CXCR5: variants seen among roughly 807,000 people sequenced by gnomAD.
CXCR5 encodes the protein C-X-C motif chemokine receptor 5, also known as C-X-C chemokine receptor type 5.
CXCR5 carries 3 observed loss-of-function variants against 5.6 expected under a neutral mutation model. That is an observed-to-expected ratio of 0.54 (90% confidence interval 0.24 to 1.39). The LOEUF (loss-of-function observed/expected upper bound fraction) is 1.39, where lower values mean the gene tolerates loss of function less well. Among genes scored for constraint, CXCR5 ranks in the 40% most tolerant of loss-of-function variants. The pLI is 0.16. For synonymous variants in CXCR5, 218 were observed against 219.9 expected (o/e 0.99, Z 0.08); for missense variants, 333 against 494.6 (o/e 0.67, Z 3.10).
At position 118,883,988 on chromosome 11, in the gene CXCR5, A is replaced by G; in HGVS notation, c.47A>G (p.Asp16Gly). ...TLEMDLENLE[D>G]LFWELDRLDN... is the part of the protein sequence containing the mutation. ...GAAATGGACCTCGAGAACCTGGAGG[A>G]CCTGGTGAGTAGACACGGGTAGCTT... The change falls in exon 1 of 2, where the codon GAC becomes GGC. Residue 16 changes from aspartate (D) to glycine (G), a missense_variant. Transcript: ENST00000292174. The G allele has an allele frequency of 6.2e-7, 1 of 1,612,718 alleles. No homozygotes were observed. Among genetic ancestry groups the G allele is most frequent in the Non-Finnish European group, 8.5e-7 (1 of 1,179,246 alleles).
intron 1 of CXCR5, chr11:118,886,083 C>A: frequency 3.1e-6 from 1 of 320,744 alleles, no homozygotes; most frequent in Non-Finnish European, 6.0e-6. Context: ...TGTCACAGTA[C>A]AAAAACCTCG....
chr11:118,889,990 G>T (rs1157657680), intron 1 of CXCR5, among the ~76,000 whole-genome samples: 6 of 152,210 alleles, frequency 3.9e-5, no homozygotes, highest in Admixed American at 3.9e-4. Flanking sequence ...AAGGTAGGTG[G>T]AGTCCAGCCC....
chr11:118,893,344 A>C lies in CXCR5; in HGVS notation c.52-252A>C. Reference sequence around the variant, plus strand: ...GCTGACTTATGGGGTCCAGCCCTCCAGCACTTACAAAGCTCAGCCACCCGC... The same window carrying C: ...GCTGACTTATGGGGTCCAGCCCTCCCGCACTTACAAAGCTCAGCCACCCGC... On this transcript the variant is annotated intron_variant, in intron 1 of 1. Transcript: ENST00000292174. The surrounding 1 kb of genome is among the most constrained non-coding windows in gnomAD (Gnocchi z 5.7). 1 of 974,596 alleles carries C rather than the reference A, an allele frequency of 1.0e-6. No homozygotes were observed. The highest frequency in any genetic ancestry group is 1.2e-6 in the Non-Finnish European group (1 of 820,126). 60.4% of individuals were successfully genotyped at this position (974,596 alleles called of 1,614,324 possible).
chr11:118,893,788 ACACGCAGTTC>A lies in CXCR5; in HGVS notation c.249_258del (p.Ser84ArgfsTer39), dbSNP rs1180393616. ...GGTGATCCTGGAGCGGCACCGGCAGACACGCAGTTCCACGGAGACCTTCCTGTTCCACCTG... is the reference window on the plus strand; with the variant it reads ...GGTGATCCTGGAGCGGCACCGGCAGACACGGAGACCTTCCTGTTCCACCTG... On this transcript the variant is annotated frameshift_variant, in exon 2 of 2. Coordinates refer to ENST00000292174, the MANE Select transcript of CXCR5 (RefSeq NM_001716.5). LOFTEE classifies it low-confidence loss of function (END_TRUNC). The surrounding 1 kb of genome is among the most constrained non-coding windows in gnomAD (Gnocchi z 5.7). 4 of 1,613,968 alleles carry A rather than the reference ACACGCAGTTC, an allele frequency of 2.5e-6. No homozygotes were observed. The highest frequency in any genetic ancestry group is 1.3e-5 in the African/African-American group (1 of 74,908).
intron 1 of CXCR5, chr11:118,887,383 T>C (rs1331800059): frequency 9.1e-6 from 9 of 985,270 alleles, no homozygotes; most frequent in Non-Finnish European, 1.1e-5. Flanking sequence ...TCTTGGACTG[T>C]GTGACTCTGT....
rs1017008492 is a variant in CXCR5 at position 118,893,958 on chromosome 11, G to C, written c.414G>C (p.Leu138=). 9 of 1,613,770 alleles carry C rather than the reference G, an allele frequency of 5.6e-6. No homozygotes were observed. The Admixed American group carries it at 1.3e-4, about 24-fold the overall frequency. ...LHKVNFYCSS[L]LLACIAVDRY... is the part of the protein sequence containing the mutation. ...AAGTCAACTTCTACTGCAGCAGCCT[G>C]CTCCTGGCCTGCATCGCCGTGGACC... Residue 138 remains leucine (L), a synonymous_variant, in exon 2 of 2, where the codon CTG becomes CTC. Coordinates refer to ENST00000292174, the MANE Select transcript of CXCR5 (RefSeq NM_001716.5). The surrounding 1 kb of genome is among the most constrained non-coding windows in gnomAD (Gnocchi z 5.7).
chr11:118,887,555 T>G, intron 1 of CXCR5: 11 of 409,496 alleles, frequency 2.7e-5, no homozygotes, highest in Non-Finnish European at 3.0e-5. Context: ...GAAAGAGGAG[T>G]CTCACAGACT....
chr11:118,889,102 C>A (rs548135482), intron 1 of CXCR5, among the ~76,000 whole-genome samples: 1 of 152,158 alleles, frequency 6.6e-6, no homozygotes, highest in Non-Finnish European at 1.5e-5. Context: ...TCCTTACACC[C>A]CCCACCTCCC....
chr11:118,886,532 A>C, intron 1 of CXCR5: 1 of 367,354 alleles, frequency 2.7e-6, no homozygotes, highest in Non-Finnish European at 5.3e-6. Context: ...CAAATAGAAC[A>C]AAAATTAGAT....
chr11:118,885,652 C>A lies in CXCR5; in HGVS notation c.51+1660C>A, dbSNP rs752648149. Among the ~76,000 whole-genome samples, 7 of 152,332 alleles carry A rather than the reference C, an allele frequency of 4.6e-5. 1 individual carries two copies. In the East Asian group the frequency reaches 1.4e-3, roughly 29 times the overall value. ...TCTTAGTAACCAACTGGAGACCCGG[C>A]GGGTCCCAGCTTCTGAGAAACCTTA... On this transcript the variant is annotated intron_variant, in intron 1 of 1. Coordinates refer to ENST00000292174, the MANE Select transcript of CXCR5 (RefSeq NM_001716.5).
chr11:118,893,524 G>C lies in CXCR5; in HGVS notation c.52-72G>C, dbSNP rs1939843942. The C allele has an allele frequency of 3.3e-6, 5 of 1,507,248 alleles. No individual in the cohort carries two copies. The South Asian group carries it at 5.5e-5, about 16-fold the overall frequency. The allele number at this position is 1,507,248 out of a possible 1,614,324, so 93.4% of individuals were successfully genotyped here. ...CCTATGTAGGAAAAAACCTCCAAGA[G>C]AGCTAGGGTTCCTCTCAGAGAGGAA... On this transcript the variant is annotated intron_variant, in intron 1 of 1. Coordinates refer to ENST00000292174, the MANE Select transcript of CXCR5 (RefSeq NM_001716.5). The surrounding 1 kb of genome is among the most constrained non-coding windows in gnomAD (Gnocchi z 5.7).
In CXCR5 at chr11:118,894,564, G is replaced by A. The variant is rs1212083259; in HGVS notation, c.1020G>A (p.Leu340=). The A allele has an allele frequency of 5.8e-6, 9 of 1,555,950 alleles. No homozygotes were observed. The Admixed American group carries it at 1.4e-4, about 25-fold the overall frequency. The change falls in exon 2 of 2, where the codon CTG becomes CTA. Residue 340 remains leucine, a synonymous_variant. Transcript: ENST00000292174. This position sits in a 1 kb window ranked among gnomAD's most constrained non-coding sequence, Gnocchi z 6.1. ...RSDLSRLLTK[L]GCTGPASLCQ... ...ACCTGTCGCGGCTCCTGACGAAGCT[G>A]GGCTGTACCGGCCCTGCCTCCCTGT...
intron 1 of CXCR5, among the ~76,000 whole-genome samples, chr11:118,892,476 T>C (rs1027013133): frequency 6.6e-6 from 1 of 151,878 alleles, no homozygotes; most frequent in Non-Finnish European, 1.5e-5. Flanking sequence ...ATTGCCATTT[T>C]GAATCCACAT....
intron 1 of CXCR5, chr11:118,887,488 T>C: frequency 2.1e-6 from 2 of 945,230 alleles, no homozygotes; most frequent in South Asian, 4.9e-5. Flanking sequence ...ACTCTCCCCC[T>C]AACACCACAT....
intron 1 of CXCR5, among the ~76,000 whole-genome samples, chr11:118,892,469 G>A (rs142796223): frequency 1.5e-4 from 23 of 148,518 alleles, no homozygotes; most frequent in Non-Finnish European, 2.2e-4. Flanking sequence ...TTATAGTATT[G>A]CCATTTTGAA....
chr11:118,891,071 T>G (rs913299629), intron 1 of CXCR5, among the ~76,000 whole-genome samples: 1 of 152,096 alleles, frequency 6.6e-6, no homozygotes, highest in African/African-American at 2.4e-5. Context: ...CAAGACACTA[T>G]CTATCAAAAA....
chr11:118,884,978 G>C (rs1485977541), intron 1 of CXCR5, among the ~76,000 whole-genome samples: 3 of 152,178 alleles, frequency 2.0e-5, no homozygotes, highest in African/African-American at 7.2e-5. Flanking sequence ...GTTAGATCAT[G>C]AAGGAGCCAA....
At chr11:118,887,490 A>C in intron 1 of CXCR5, 1 of 943,928 alleles carries the variant, frequency 1.1e-6, no homozygotes, top group Non-Finnish European at 1.3e-6. Context: ...TCTCCCCCTA[A>C]CACCACATCC....
chr11:118,887,076 A>G (rs1032359344), intron 1 of CXCR5: 16 of 194,818 alleles, frequency 8.2e-5, no homozygotes, highest in Non-Finnish European at 1.3e-4. Context: ...TGGAAGGGTC[A>G]GAGATGAGGG....
Sources: gnomAD v4.1 joint callset for allele counts (sites outside exome capture counted in the v4.1 genomes callset) on GRCh38, gnomAD v4.1.1 for gene constraint, Gnocchi (gnomAD v3.1) non-coding constraint, MANE v1.5 for transcripts, NCBI Gene and HGNC (gene_info 2026-07-23, HGNC 2026-07-21) for gene names.